RHD: variants seen among roughly 807,000 people sequenced by gnomAD.
RHD encodes Rh blood group D antigen.
Under a neutral mutation model 45.5 loss-of-function variants are expected in RHD, and 16 were observed. The observed-to-expected ratio is 0.35, with a 90% CI of 0.24 to 0.53. The LOEUF (loss-of-function observed/expected upper bound fraction) is 0.53, where lower values mean the gene tolerates loss of function less well. Ranked by LOEUF, RHD falls within the 20% of genes least tolerant of loss-of-function variation. RHD has a pLI of 0.92. For synonymous variants in RHD, 131 were observed against 217.5 expected (o/e 0.60, Z 3.50); for missense variants, 306 against 532.0 (o/e 0.58, Z 4.18).
In RHD at chr1:25,278,441, T is replaced by C. The variant is rs527345955; in HGVS notation, c.148+5746T>C. ...AAATAGTAACCTTTTAATTTACTCA[T>C]GATCATGATTCTGTGGTGCAACAAC... On this transcript the variant is annotated intron_variant, in intron 1 of 9. Coordinates refer to ENST00000328664, the MANE Select transcript of RHD (RefSeq NM_016124.6). Among the ~76,000 whole-genome samples the C allele has an allele frequency of 7.6e-5, 10 of 131,846 alleles. 1 individual carries two copies. The South Asian group carries it at 2.4e-3, about 31-fold the overall frequency. 86.5% of individuals were successfully genotyped at this position (131,846 alleles called of 152,430 possible).
chr1:25,305,583 T>TTTG (rs200713124), intron 6 of RHD, among the ~76,000 whole-genome samples: 3,271 of 118,894 alleles, frequency 0.028, 416 homozygotes, highest in East Asian at 0.15. Flanking sequence ...GTGTATGTAT[T>TTTG]TTGTTGTTGT....
chr1:25,289,850 T>C lies in RHD; in HGVS notation c.336-791T>C, dbSNP rs575475120. On this transcript the variant is annotated intron_variant, in intron 2 of 9. Coordinates refer to ENST00000328664, the MANE Select transcript of RHD (RefSeq NM_016124.6). ...TTTTTTTTTTTTTGGATCATAAGTATCTTCAAGACCAAAATAATTTTCTAC... is the reference window on the plus strand; with the variant it reads ...TTTTTTTTTTTTTGGATCATAAGTACCTTCAAGACCAAAATAATTTTCTAC... 3.7e-4 allele frequency among the ~76,000 whole-genome samples: 48 copies of C among 128,062 alleles called. 8 individuals carry two copies. The highest frequency in any genetic ancestry group is 7.3e-4 in the Non-Finnish European group (40 of 54,626). The allele number at this position is 128,062 out of a possible 152,430, so 84.0% of individuals were successfully genotyped here.
At chr1:25,293,350 CTT>C (rs1278720414) in intron 3 of RHD, among the ~76,000 whole-genome samples, 6 of 112,162 alleles carry the variant, frequency 5.3e-5, no homozygotes, top group Admixed American at 1.7e-4. Flanking sequence ...GACAGTTCAT[CTT>C]TTTTTTTTTT....
Position 25,273,954 on chromosome 1 carries a change from A to T in RHD, c.148+1259A>T, listed in dbSNP as rs1158132028. Among the ~76,000 whole-genome samples the T allele has an allele frequency of 3.1e-5, 4 of 130,980 alleles. 1 individual carries two copies. The highest frequency in any genetic ancestry group is 7.2e-5 in the Non-Finnish European group (4 of 55,288). The allele number at this position is 130,980 out of a possible 152,430, so 85.9% of individuals were successfully genotyped here. ...TACCATTTAAGGTGCTGGCCCAGAG[A>T]GGAGCCTTCAGTGACAGACAAACAA... On this transcript the variant is annotated intron_variant, in intron 1 of 9. Coordinates refer to ENST00000328664, the MANE Select transcript of RHD (RefSeq NM_016124.6).
chr1:25,286,764 T>C (rs1475341487), intron 2 of RHD, among the ~76,000 whole-genome samples: 1 of 125,652 alleles, frequency 8.0e-6, no homozygotes, highest in Non-Finnish European at 1.8e-5. Flanking sequence ...CCAGCCTGGG[T>C]GACAGAGCGA....
rs1173626466 is a variant in RHD at position 25,288,304 on chromosome 1, G to A, written c.336-2337G>A. Among the ~76,000 whole-genome samples, 7 of 129,276 alleles carry A rather than the reference G, an allele frequency of 5.4e-5. 2 individuals carry two copies. Among genetic ancestry groups the A allele is most frequent in the Non-Finnish European group, 1.3e-4 (7 of 54,756 alleles). 84.8% of individuals were successfully genotyped at this position (129,276 alleles called of 152,430 possible). On this transcript the variant is annotated intron_variant, in intron 2 of 9. Transcript: ENST00000328664. ...AAGTACTGGAATTACAGCCTCCTGA[G>A]TAGCTGAGACCACAGGCACACACCA... is the stretch of plus-strand genomic sequence containing the variant.
intron 1 of RHD, among the ~76,000 whole-genome samples, chr1:25,278,888 C>G (rs1378716045): frequency 7.8e-6 from 1 of 128,348 alleles, no homozygotes; most frequent in Non-Finnish European, 1.8e-5. Context: ...AGGCTGTGGG[C>G]GAGGAGGTGG....
intron 2 of RHD, among the ~76,000 whole-genome samples, chr1:25,288,887 G>A (rs1642261850): frequency 1.5e-5 from 2 of 131,658 alleles, no homozygotes; most frequent in African/African-American, 5.2e-5. Context: ...GTCCAGGCAC[G>A]ATGGAACATT....
rs1399412533 is a variant in RHD at position 25,295,862 on chromosome 1, T to G, written c.486+5071T>G. ...GGGAATATGGGAAATTTTTTTTTTT[T>G]TTTTTTTTTTTTTTTTTGAGATGGA... On this transcript the variant is annotated intron_variant, in intron 3 of 9. Transcript: ENST00000328664. Among the ~76,000 whole-genome samples, 29 of 103,332 alleles carry G rather than the reference T, an allele frequency of 2.8e-4. 4 individuals carry two copies. Among genetic ancestry groups the G allele is most frequent in the East Asian group, 1.0e-3 (5 of 4,840 alleles). 67.8% of individuals were successfully genotyped at this position (103,332 alleles called of 152,430 possible). A position where few individuals can be genotyped will look rare whatever the true frequency, so the allele number is the denominator to read the frequency against.
rs187865835 is a variant in RHD at position 25,303,702 on chromosome 1, A to G, written c.939+243A>G. Reference sequence around the variant, plus strand: ...ATTGGGGAGAATTTGTTATCAGGCTACTGGGGTGTCACAGAACTCAAGGAC... The same window carrying G: ...ATTGGGGAGAATTTGTTATCAGGCTGCTGGGGTGTCACAGAACTCAAGGAC... On this transcript the variant is annotated intron_variant, in intron 6 of 9. Transcript: ENST00000328664. Among the ~76,000 whole-genome samples the G allele has an allele frequency of 3.8e-5, 5 of 131,872 alleles. 1 individual carries two copies. The highest frequency in any genetic ancestry group is 1.3e-4 in the African/African-American group (5 of 38,336). 86.5% of individuals were successfully genotyped at this position (131,872 alleles called of 152,430 possible).
chr1:25,288,596 C>CTAA, intron 2 of RHD, among the ~76,000 whole-genome samples: 1 of 126,464 alleles, frequency 7.9e-6, no homozygotes, highest in South Asian at 2.4e-4. Context: ...TTGCCCTTAC[C>CTAA]GTGGCTCCAG....
In RHD at chr1:25,290,614, C is replaced by T; in HGVS notation, c.336-27C>T. 6.6e-6 allele frequency: 9 copies of T among 1,357,440 alleles called. 3 individuals are homozygous for T. The highest frequency in any genetic ancestry group is 9.4e-6 in the Non-Finnish European group (9 of 958,758). The allele number at this position is 1,357,440 out of a possible 1,614,324, so 84.1% of individuals were successfully genotyped here. A position where few individuals can be genotyped will look rare whatever the true frequency, so the allele number is the denominator to read the frequency against. ...GTGAGAGGCATCCTTCCTTCTCAGT[C>T]GTCCTGGCTCTCCCTCTCTCCCCCA... On this transcript the variant is annotated intron_variant, in intron 2 of 9. Coordinates refer to ENST00000328664, the MANE Select transcript of RHD (RefSeq NM_016124.6).
rs1212980059 is a variant in RHD, at chr1:25,328,970, C to A, written c.*46C>A. ...CAAGGCCTGTTCAAAAACAAGACAACTTCCTCTCACTGTTGCCTGCATTTG... is the reference window on the plus strand; with the variant it reads ...CAAGGCCTGTTCAAAAACAAGACAAATTCCTCTCACTGTTGCCTGCATTTG... On this transcript the variant is annotated 3_prime_UTR_variant, in exon 10 of 10. Transcript: ENST00000328664. 7.4e-7 allele frequency: 1 copy of A among 1,358,860 alleles called. No individual in the cohort carries two copies. The highest frequency in any genetic ancestry group is 1.0e-6 in the Non-Finnish European group (1 of 965,682). 84.2% of individuals were successfully genotyped at this position (1,358,860 alleles called of 1,614,324 possible). A position where few individuals can be genotyped will look rare whatever the true frequency, so the allele number is the denominator to read the frequency against.
chr1:25,317,863 AG>A lies in RHD; in HGVS notation c.1153+788del, dbSNP rs1432738759. ...TGTGAATGGAGTGAGAAGGAGCAGC[AG>A]GGGTTGAGGGCAGAATGGTAGTGAG... On this transcript the variant is annotated intron_variant, in intron 8 of 9. Coordinates refer to ENST00000328664, the MANE Select transcript of RHD (RefSeq NM_016124.6). Among the ~76,000 whole-genome samples, 42 of 105,036 alleles carry A rather than the reference AG, an allele frequency of 4.0e-4. 2 individuals carry two copies. Among genetic ancestry groups the A allele is most frequent in the Admixed American group, 3.9e-3 (41 of 10,566 alleles). 68.9% of individuals were successfully genotyped at this position (105,036 alleles called of 152,430 possible). A position where few individuals can be genotyped will look rare whatever the true frequency, so the allele number is the denominator to read the frequency against.
At chr1:25,275,582 CACTTTAAGTATT>C (rs1385314624) in intron 1 of RHD, among the ~76,000 whole-genome samples, 3 of 132,510 alleles carry the variant, frequency 2.3e-5, no homozygotes, top group East Asian at 2.0e-4. Flanking sequence ...TTATATATTA[CACTTTAAGTATT>C]ACTTTAAGTA....
chr1:25,287,402 C>T (rs1266060268), intron 2 of RHD, among the ~76,000 whole-genome samples: 1 of 135,366 alleles, frequency 7.4e-6, no homozygotes, highest in African/African-American at 2.5e-5. Context: ...GAGTGAACTC[C>T]CCTGCCCCAC....
chr1:25,296,308 G>T lies in RHD; in HGVS notation c.487-4638G>T, dbSNP rs1169552459. Among the ~76,000 whole-genome samples the T allele has an allele frequency of 2.4e-5, 3 of 127,058 alleles. 1 individual carries two copies. Among genetic ancestry groups the T allele is most frequent in the Non-Finnish European group, 5.6e-5 (3 of 53,674 alleles). 83.4% of individuals were successfully genotyped at this position (127,058 alleles called of 152,430 possible). ...ATCACCCAGGCTGGAGTGCGGTGGT[G>T]TGATCTCGGCTCACTGCAACCTCCG... On this transcript the variant is annotated intron_variant, in intron 3 of 9. Transcript: ENST00000328664.
intron 9 of RHD, among the ~76,000 whole-genome samples, chr1:25,324,903 A>G (rs1644888933): frequency 8.9e-6 from 1 of 112,692 alleles, no homozygotes; most frequent in Non-Finnish European, 1.8e-5. Context: ...AAAAAATTAG[A>G]CAGGCGTGGT....
chr1:25,310,865 C>G (rs1309257400), intron 7 of RHD, among the ~76,000 whole-genome samples: 1 of 130,176 alleles, frequency 7.7e-6, no homozygotes, highest in African/African-American at 2.6e-5. Flanking sequence ...CTCAGCTACT[C>G]AGGAGGCTGA....
Sources: gnomAD v4.1 joint callset for allele counts (sites outside exome capture counted in the v4.1 genomes callset) on GRCh38, gnomAD v4.1.1 for gene constraint, MANE v1.5 for transcripts, NCBI Gene and HGNC (gene_info 2026-07-23, HGNC 2026-07-21) for gene names.